The following DNAH11 variants were observed in gnomAD, a reference collection of about 807,000 sequenced individuals.
The protein encoded by DNAH11 is dynein axonemal heavy chain 11.
A neutral mutation model predicts 526.0 loss-of-function variants in DNAH11; 442 were observed. The observed-to-expected ratio is 0.84, with a 90% CI of 0.78 to 0.91. The LOEUF (loss-of-function observed/expected upper bound fraction) is 0.91, where lower values mean the gene tolerates loss of function less well. Ranked by LOEUF, DNAH11 falls within the 40% of genes least tolerant of loss-of-function variation. The pLI is 0.00. For synonymous variants in DNAH11, 2,461 were observed against 1,935.9 expected, an observed-to-expected ratio of 1.27 and a Z score of -7.12; for missense variants, 6,989 against 5,448.7, an observed-to-expected ratio of 1.28 and a Z score of -8.90.
intron 2 of DNAH11, among the ~76,000 whole-genome samples, chr7:21,546,972 A>G (rs193192011): frequency 6.6e-6 from 1 of 152,318 alleles, no homozygotes; most frequent in East Asian, 1.9e-4. Context: ...GCAAAGGCAC[A>G]CTTGCTCTTT....
chr7:21,751,193 A>G (rs941146128), intron 54 of DNAH11, among the ~76,000 whole-genome samples: 6 of 152,092 alleles, frequency 3.9e-5, no homozygotes, highest in African/African-American at 1.4e-4. Context: ...GCTTGGTGGC[A>G]TGTGCCTGTA....
At chr7:21,661,969 C>A (rs1001581624) in intron 30 of DNAH11, among the ~76,000 whole-genome samples, 2 of 152,026 alleles carry the variant, frequency 1.3e-5, no homozygotes, top group Admixed American at 6.6e-5. Context: ...CAGGCACCCT[C>A]CATTATGCCC....
intron 32 of DNAH11, 91 bp from the exon 33 acceptor site, chr7:21,687,008 C>A: frequency 1.6e-6 from 2 of 1,229,632 alleles, no homozygotes; most frequent in Non-Finnish European, 2.2e-6. Context: ...CATTCTAGAG[C>A]TTCTTAAACT....
At chr7:21,754,749 T>C (rs995902169) in intron 54 of DNAH11, among the ~76,000 whole-genome samples, 2 of 152,156 alleles carry the variant, frequency 1.3e-5, no homozygotes, top group African/African-American at 4.8e-5. Flanking sequence ...TGTCACTCAG[T>C]TTGATCCACC....
chr7:21,676,362 T>G (rs1360114005), intron 30 of DNAH11, among the ~76,000 whole-genome samples: 1 of 152,188 alleles, frequency 6.6e-6, no homozygotes, highest in African/African-American at 2.4e-5. Flanking sequence ...TTCTTAAAGC[T>G]GCTAAGGAGT....
chr7:21,611,090 G>A (rs555649517), intron 20 of DNAH11, among the ~76,000 whole-genome samples: 1 of 152,316 alleles, frequency 6.6e-6, no homozygotes, highest in Non-Finnish European at 1.5e-5. Context: ...GGTGGACTGA[G>A]TGGAGAAGAT....
At chr7:21,791,464 A>C (rs907939545) in intron 61 of DNAH11, among the ~76,000 whole-genome samples, 2 of 152,228 alleles carry the variant, frequency 1.3e-5, no homozygotes, top group Admixed American at 6.5e-5. Flanking sequence ...AGCAAAAGGA[A>C]TAAAAGACTG....
chr7:21,715,717 A>G (rs902901522), intron 42 of DNAH11, among the ~76,000 whole-genome samples: 8 of 152,096 alleles, frequency 5.3e-5, no homozygotes, highest in Admixed American at 3.9e-4. Flanking sequence ...ACTGTCTTTT[A>G]ATGTCTATTC....
At chr7:21,691,259 G>A (rs948051371) in intron 35 of DNAH11, among the ~76,000 whole-genome samples, 9 of 150,414 alleles carry the variant, frequency 6.0e-5, no homozygotes, top group South Asian at 2.1e-4. Flanking sequence ...AAGCCAAGGC[G>A]CTGGTGCTGG....
intron 24 of DNAH11, among the ~76,000 whole-genome samples, chr7:21,619,655 T>A (rs1016655653): frequency 6.6e-6 from 1 of 152,194 alleles, no homozygotes; most frequent in Non-Finnish European, 1.5e-5. Context: ...CTGGCTAATT[T>A]GTAAATAGTA....
In DNAH11 at chr7:21,690,708, A is replaced by G. The variant is rs145107943; in HGVS notation, c.5925-57A>G. The stretch of plus-strand genomic sequence containing the variant: ...ATTTTGCAGTGGTTTGCATTTGTCA[A>G]TGTGCATTCATATTCAATGAACACA... On this transcript the variant is annotated intron_variant, in intron 34 of 81. Transcript: ENST00000409508. 962 of 1,298,120 alleles carry G rather than the reference A, an allele frequency of 7.4e-4. 10 individuals are homozygous for G. In the East Asian group the frequency reaches 0.017, roughly 22 times the overall value. The allele number at this position is 1,298,120 out of a possible 1,614,324, so 80.4% of individuals were successfully genotyped here. A position where few individuals can be genotyped will look rare whatever the true frequency, so the allele number is the denominator to read the frequency against.
At chr7:21,601,651 A>T in intron 18 of DNAH11, 33 bp downstream of exon 18, 1 of 1,453,198 alleles carries the variant, frequency 6.9e-7, no homozygotes, top group Non-Finnish European at 9.2e-7. Flanking sequence ...CATAATTACC[A>T]TAAATTGAGC....
Position 21,710,709 on chromosome 7 carries a change from T to C in DNAH11, c.6834+6T>C, listed in dbSNP as rs760376822. On this transcript the variant is annotated splice_donor_region_variant and intron_variant, in intron 41 of 81. Transcript: ENST00000409508. The stretch of plus-strand genomic sequence containing the variant: ...CTGTAATGGATGATAACAAGGTGAA[T>C]AAAACCTCTGTTCTCAACCTTAAAT... The C allele has an allele frequency of 4.4e-6, 7 of 1,608,696 alleles. No individual in the cohort carries two copies. The East Asian group carries it at 1.3e-4, about 31-fold the overall frequency.
chr7:21,814,886 A>G (rs1021434400), intron 63 of DNAH11, among the ~76,000 whole-genome samples: 1 of 152,132 alleles, frequency 6.6e-6, no homozygotes, highest in Non-Finnish European at 1.5e-5. Context: ...TTTATGAAAA[A>G]AATTCTGTAT....
intron 44 of DNAH11, among the ~76,000 whole-genome samples, chr7:21,721,419 G>A (rs1784870405): frequency 6.6e-6 from 1 of 152,124 alleles, no homozygotes; most frequent in Non-Finnish European, 1.5e-5. Context: ...GGTTATCATA[G>A]CGTCTTAGTA....
chr7:21,876,226 T>G (rs1047952843), intron 74 of DNAH11, among the ~76,000 whole-genome samples: 1 of 152,124 alleles, frequency 6.6e-6, no homozygotes, highest in Non-Finnish European at 1.5e-5. Context: ...TCCTCTGAAA[T>G]ATTAAGACTG....
intron 30 of DNAH11, among the ~76,000 whole-genome samples, chr7:21,679,075 A>G (rs993554310): frequency 4.6e-5 from 7 of 152,326 alleles, no homozygotes; most frequent in African/African-American, 1.7e-4. Flanking sequence ...CAAAGAAGGA[A>G]TCTTACCATT....
At chr7:21,786,509 C>T in intron 58 of DNAH11, 115 bp from the exon 59 acceptor site, 1 of 1,335,042 alleles carries the variant, frequency 7.5e-7, no homozygotes, top group African/African-American at 1.5e-5. Context: ...CAAATTGAGA[C>T]TGGTTTGATA....
Position 21,545,082 on chromosome 7 carries a change from C to G in DNAH11, c.428C>G (p.Ser143Cys). The change falls in exon 2 of 82, where the codon TCT (serine) becomes TGT (cysteine). Residue 143 changes from serine to cysteine, a missense_variant. Transcript: ENST00000409508. Reference sequence around the variant, plus strand: ...GAAAGCATTGGAGTAAATGACTTTTCTCAAGTGGTTTTATTTGGAGAGTTA... The same window carrying G: ...GAAAGCATTGGAGTAAATGACTTTTGTCAAGTGGTTTTATTTGGAGAGTTA... Reference protein sequence around the residue: ...ITESIGVNDFSQVVLFGELPA... With the variant: ...ITESIGVNDFCQVVLFGELPA... The G allele has an allele frequency of 6.2e-7, 1 of 1,608,290 alleles. No individual in the cohort carries two copies. The highest frequency in any genetic ancestry group is 8.5e-7 in the Non-Finnish European group (1 of 1,176,884).
Sources: allele counts gnomAD v4.1 joint callset (sites outside exome capture counted in the v4.1 genomes callset), GRCh38; gene constraint gnomAD v4.1.1; transcripts MANE v1.5; gene names NCBI Gene and HGNC (gene_info 2026-07-23, HGNC 2026-07-21).